ZNF329: variants seen among roughly 807,000 people sequenced by gnomAD.
ZNF329 encodes the protein zinc finger protein 329.
A neutral mutation model predicts 26.6 loss-of-function variants in ZNF329; 15 were observed. The observed-to-expected ratio is 0.56, with a 90% confidence interval of 0.38 to 0.87. The LOEUF (loss-of-function observed/expected upper bound fraction) is 0.87. Ranked by LOEUF, ZNF329 falls within the 40% of genes least tolerant of loss-of-function variation. ZNF329 has a pLI of 0.00. For missense variants in ZNF329, 651 were observed against 651.9 expected, an observed-to-expected ratio of 1.00 and a Z score of 0.02; for synonymous variants, 239 against 233.5, an observed-to-expected ratio of 1.02 and a Z score of -0.21.
chr19:58,138,840 T>C (rs2075125608), intron 3 of ZNF329, among the ~76,000 whole-genome samples: 1 of 151,274 alleles, frequency 6.6e-6, no homozygotes, highest in East Asian at 1.9e-4. Context: ...CCAGTAAATA[T>C]ACAAAAATTA....
At chr19:58,132,997 AG>A (rs1372774450) in intron 3 of ZNF329, among the ~76,000 whole-genome samples, 2 of 151,990 alleles carry the variant, frequency 1.3e-5, no homozygotes, top group African/African-American at 4.8e-5. Flanking sequence ...TACTTTTAGT[AG>A]AGACAGGGTT....
At chr19:58,132,530 A>T (rs2074970348) in intron 3 of ZNF329, 1 of 152,058 alleles carries the variant, frequency 6.6e-6, no homozygotes, top group East Asian at 1.9e-4. Flanking sequence ...AAATACAAAA[A>T]TTAGCTGGAC....
At chr19:58,154,210 T>C (rs1568683278), upstream of ZNF329, among the ~76,000 whole-genome samples, 2 of 152,164 alleles carry the variant, frequency 1.3e-5, no homozygotes, top group African/African-American at 2.4e-5. Flanking sequence ...GGTTTCACCA[T>C]GTTGGCCAGG....
intron 1 of ZNF329, among the ~76,000 whole-genome samples, chr19:58,146,574 C>G (rs1291069090): frequency 7.1e-6 from 1 of 141,606 alleles, no homozygotes; most frequent in Admixed American, 6.7e-5. Context: ...CTCTCCCTCT[C>G]TTTCCACGGT....
intron 3 of ZNF329, among the ~76,000 whole-genome samples, chr19:58,140,820 T>A (rs1315403860): frequency 1.3e-5 from 2 of 151,100 alleles, no homozygotes; most frequent in Non-Finnish European, 2.9e-5. Context: ...CAAGTGATCC[T>A]CCCACCTCAG....
chr19:58,146,312 A>G (rs1432392582), intron 1 of ZNF329, among the ~76,000 whole-genome samples: 1 of 152,104 alleles, frequency 6.6e-6, no homozygotes, highest in Non-Finnish European at 1.5e-5. Context: ...CGTCTCTACT[A>G]AAAATACAAA....
chr19:58,134,577 T>C (rs556759056), intron 3 of ZNF329, among the ~76,000 whole-genome samples: 1 of 152,298 alleles, frequency 6.6e-6, no homozygotes, highest in South Asian at 2.1e-4. Flanking sequence ...TTGTGGCTCT[T>C]TACAAACCAA....
rs568291235 is a variant in ZNF329, at chr19:58,139,180, T to C, written c.-9+3377A>G. On this transcript the variant is annotated intron_variant, in intron 3 of 3. Transcript: ENST00000598312. ...AGGAACAAAAGGAATGTCCATTTCA[T>C]CCATAACAGATACTTCCTTTGTTGA... Among the ~76,000 whole-genome samples the C allele has an allele frequency of 1.1e-4, 16 of 152,096 alleles. No homozygotes were observed. The South Asian group carries it at 1.9e-3, about 18-fold the overall frequency.
chr19:58,134,964 C>A (rs752237442), intron 3 of ZNF329, among the ~76,000 whole-genome samples: 6 of 151,846 alleles, frequency 4.0e-5, no homozygotes, highest in Non-Finnish European at 8.8e-5. Context: ...CAATCAACAA[C>A]AAAAAAACAC....
intron 1 of ZNF329, among the ~76,000 whole-genome samples, chr19:58,144,723 A>G (rs2075268160): frequency 7.0e-6 from 1 of 142,768 alleles, no homozygotes; most frequent in African/African-American, 2.6e-5. Context: ...TTTTAAAGAG[A>G]CAGAGTCTTG....
chr19:58,144,411 C>T (rs1049871879), intron 1 of ZNF329, among the ~76,000 whole-genome samples: 86 of 122,178 alleles, frequency 7.0e-4, no homozygotes, highest in African/African-American at 2.9e-3. Context: ...TTTTTTGAGA[C>T]GGAGTCTCGC....
chr19:58,152,811 C>G (rs962642659), upstream of ZNF329, among the ~76,000 whole-genome samples: 1 of 151,806 alleles, frequency 6.6e-6, no homozygotes, highest in Admixed American at 6.6e-5. Context: ...GAGCTGAGAT[C>G]GTGCCACTGC....
At chr19:58,138,103 T>C (rs1299165909) in intron 3 of ZNF329, among the ~76,000 whole-genome samples, 2 of 152,182 alleles carry the variant, frequency 1.3e-5, no homozygotes, top group African/African-American at 4.8e-5. Context: ...CCTAGGAATG[T>C]AAGGACTAGG....
chr19:58,138,972 A>C (rs1426252573), intron 3 of ZNF329, among the ~76,000 whole-genome samples: 1 of 151,936 alleles, frequency 6.6e-6, no homozygotes, highest in East Asian at 1.9e-4. Flanking sequence ...AAAAAAAGAA[A>C]AAAGAAAAAA....
Position 58,127,954 on chromosome 19 carries a change from C to G in ZNF329, c.1550G>C (p.Gly517Ala). 2 of 1,613,488 alleles carry G rather than the reference C, an allele frequency of 1.2e-6. No homozygotes were observed. Among genetic ancestry groups the G allele is most frequent in the Non-Finnish European group, 1.7e-6 (2 of 1,179,760 alleles). ...GGATGAGCTCTTTTGGAACATTTTT[C>G]CACACTGAGGACACCGGCTGGGACC... Reference protein sequence around the residue: ...REGPSRCPQCGKMFQKSSSLV... With the variant: ...REGPSRCPQCAKMFQKSSSLV... The change falls in exon 4 of 4, where the codon GGA becomes GCA. Residue 517 changes from glycine (G) to alanine (A), a missense_variant. Physicochemically the swap from Gly to Ala is moderately conservative, Grantham distance 60. Transcript: ENST00000598312.
chr19:58,128,058 T>C lies in ZNF329; in HGVS notation c.1446A>G (p.Pro482=). The C allele has an allele frequency of 6.2e-7, 1 of 1,613,268 alleles. No homozygotes were observed. The highest frequency in any genetic ancestry group is 1.3e-5 in the African/African-American group (1 of 74,966). The change falls in exon 4 of 4, where the codon CCA becomes CCG. Residue 482 remains proline, a synonymous_variant. Transcript: ENST00000598312. ...ACTTCCCACATTCTGGACACTGATA[T>C]GGGGTCTCCTTAGTGTGAATTCTCT... The part of the protein sequence containing the change: ...KHQRIHTKET[P]YQCPECGKSF...
At chr19:58,153,775 C>T (rs2075497536), upstream of ZNF329, among the ~76,000 whole-genome samples, 1 of 152,092 alleles carries the variant, frequency 6.6e-6, no homozygotes, top group African/African-American at 2.4e-5. Flanking sequence ...GTGGCATGAT[C>T]ATAGCCCACT....
intron 3 of ZNF329, among the ~76,000 whole-genome samples, chr19:58,139,622 A>G (rs987586454): frequency 2.0e-5 from 3 of 152,176 alleles, no homozygotes; most frequent in Admixed American, 1.3e-4. Context: ...TCGTGACCTA[A>G]TTACCTCCCA....
chr19:58,128,185 G>T lies in ZNF329; in HGVS notation c.1319C>A (p.Ala440Asp), dbSNP rs1197332398. 6.3e-7 allele frequency: 1 copy of T among 1,587,394 alleles called. No homozygotes were observed. Among genetic ancestry groups the T allele is most frequent in the East Asian group, 2.2e-5 (1 of 44,756 alleles). ...NQCQKLFRNI[A>D]GLIRHQRTHT... ...AGTCCTCTGGTGCCTAATGAGGCCA[G>T]CGATATTCCTGAAAAGTTTCTGACA... Residue 440 changes from alanine to aspartate, a missense_variant, in exon 4 of 4, where the codon GCT becomes GAT. Transcript: ENST00000598312.
Sources: allele counts gnomAD v4.1 joint callset (sites outside exome capture counted in the v4.1 genomes callset), GRCh38; gene constraint gnomAD v4.1.1; transcripts MANE v1.5; gene names NCBI Gene and HGNC (gene_info 2026-07-23, HGNC 2026-07-21).